The following MESD variants were observed in gnomAD, a reference collection of about 807,000 sequenced individuals.
The protein encoded by MESD is LRP chaperone MESD.
Under a neutral mutation model 12.9 loss-of-function variants are expected in MESD, and 7 were observed. That is an observed-to-expected ratio of 0.54 (90% CI 0.31 to 1.02). MESD has a LOEUF of 1.02. Among genes scored for constraint, MESD ranks in the 50% least tolerant of loss-of-function variants. MESD has a pLI of 0.05. For synonymous variants in MESD, 126 were observed against 115.6 expected (o/e 1.09, Z -0.58); for missense variants, 342 against 296.7 (o/e 1.15, Z -1.12).
chr15:80,980,705 G>A (rs900470698), intron 2 of MESD, among the ~76,000 whole-genome samples: 1 of 152,112 alleles, frequency 6.6e-6, no homozygotes, highest in African/African-American at 2.4e-5. Flanking sequence ...GGAGGTTGAG[G>A]TGCAAGGATC....
chr15:80,948,976 GGCA>G, intron 4 of MESD: 1 of 1,612,230 alleles, frequency 6.2e-7, no homozygotes, highest in Non-Finnish European at 8.5e-7. Flanking sequence ...GGTGACTCTT[GGCA>G]GCAGACCAGT....
downstream of MESD, among the ~76,000 whole-genome samples, chr15:80,972,796 G>A (rs1285071863): frequency 2.0e-5 from 3 of 152,200 alleles, no homozygotes; most frequent in Admixed American, 1.3e-4. Context: ...GCCGAGGTGG[G>A]TTGATCACGA....
In MESD at chr15:80,989,781, G is replaced by A. The variant is rs61999333; in HGVS notation, c.11C>T (p.Ser4Phe). MAA[S>F]RWARKAVVLL... ...GACCACGGCCTTGCGCGCCCACCTG[G>A]AAGCCGCCATTTTCGCTGCGCCGCG... is the stretch of plus-strand genomic sequence containing the variant. Residue 4 changes from serine (S) to phenylalanine (F), a missense_variant, in exon 1 of 3, where the codon TCC becomes TTC. Coordinates refer to ENST00000261758, the MANE Select transcript of MESD (RefSeq NM_015154.3). 1,717 of 1,583,922 alleles carry A rather than the reference G, an allele frequency of 1.1e-3. 10 individuals carry two copies. In the African/African-American group the frequency reaches 0.017, roughly 16 times the overall value.
At position 80,989,417 on chromosome 15, in the gene MESD, G is replaced by A. The variant is rs140880676; in HGVS notation, c.213+162C>T. On this transcript the variant is annotated intron_variant, in intron 1 of 2. Transcript: ENST00000261758. ...CAGCAGGGCGCGCGGGTCAGAGGAG[G>A]AATGGAGGGTCAACAGTGGCTTCAG... Among the ~76,000 whole-genome samples the A allele has an allele frequency of 2.6e-3, 394 of 152,310 alleles. 3 individuals carry two copies. The highest frequency in any genetic ancestry group is 8.9e-3 in the African/African-American group (371 of 41,564).
downstream of MESD, among the ~76,000 whole-genome samples, chr15:80,971,619 A>G (rs1902289907): frequency 6.6e-6 from 1 of 152,190 alleles, no homozygotes; most frequent in Admixed American, 6.5e-5. Flanking sequence ...TAGGAGCAAT[A>G]AAGTCTTAAA....
intron 1 of MESD, among the ~76,000 whole-genome samples, chr15:80,987,972 T>C (rs557706369): frequency 4.2e-4 from 64 of 152,262 alleles, no homozygotes; most frequent in Middle Eastern, 3.4e-3. Context: ...AAAAATAATT[T>C]AAAAAACAAA....
chr15:80,975,094 A>G (rs1248867649), downstream of MESD, among the ~76,000 whole-genome samples: 1 of 151,972 alleles, frequency 6.6e-6, no homozygotes, highest in African/African-American at 2.4e-5. Flanking sequence ...AGAAGAGCTG[A>G]AAGGTAGAGC....
rs1436019626 is a variant in MESD at position 80,975,998 on chromosome 15, A to AT, written c.*3220dup. 1 of 152,140 alleles carries AT rather than the reference A, an allele frequency of 6.6e-6. No individual in the cohort carries two copies. The highest frequency in any genetic ancestry group is 1.5e-5 in the Non-Finnish European group (1 of 68,030). The allele number at this position is 152,140 out of a possible 1,614,324, so 9.4% of individuals were successfully genotyped here. A position where few individuals can be genotyped will look rare whatever the true frequency, so the allele number is the denominator to read the frequency against. On this transcript the variant is annotated 3_prime_UTR_variant, in exon 3 of 3. Coordinates refer to ENST00000261758, the MANE Select transcript of MESD (RefSeq NM_015154.3). ...AAACAAATGACATTTCTCTTAAAAA[A>AT]TTTTTGTTTCGTTTTTTTGAGACAG... is the stretch of plus-strand genomic sequence containing the variant.
chr15:80,979,407 A>G lies in MESD; in HGVS notation c.517T>C (p.Phe173Leu). 6.2e-7 allele frequency: 1 copy of G among 1,614,204 alleles called. No individual in the cohort carries two copies. Among genetic ancestry groups the G allele is most frequent in the African/African-American group, 1.3e-5 (1 of 75,058 alleles). The change falls in exon 3 of 3, where the codon TTT (phenylalanine) becomes CTT (leucine). Residue 173 changes from phenylalanine (F) to leucine (L), a missense_variant. By Grantham distance (22) the Phe-to-Leu change is conservative (BLOSUM62 0). Transcript: ENST00000261758. ...DGSYAWEIKDFLVGQDRCADV... is the reference protein window; with the variant it reads ...DGSYAWEIKDLLVGQDRCADV... ...GCACACCTGTCTTGACCGACCAAAA[A>G]GTCCTTGATCTCCCAGGCGTAGCTC...
At chr15:80,971,970 C>T (rs1902298067), downstream of MESD, among the ~76,000 whole-genome samples, 1 of 150,920 alleles carries the variant, frequency 6.6e-6, no homozygotes, top group Non-Finnish European at 1.5e-5. Flanking sequence ...AAAAAGAAAT[C>T]GACACCAAAG....
rs1224460871 is a variant in MESD, at chr15:80,987,010, T to C, written c.213+2569A>G. Among the ~76,000 whole-genome samples the C allele has an allele frequency of 6.6e-5, 10 of 152,252 alleles. 1 individual carries two copies. ...AAATGATTTACTTAATTTACTCACATGCTAGAAGTGCAAACCACATTTCTG... is the reference window on the plus strand; with the variant it reads ...AAATGATTTACTTAATTTACTCACACGCTAGAAGTGCAAACCACATTTCTG... On this transcript the variant is annotated intron_variant, in intron 1 of 2. Coordinates refer to ENST00000261758, the MANE Select transcript of MESD (RefSeq NM_015154.3).
At chr15:80,961,527 G>A (rs1284730481) in intron 3 of MESD, among the ~76,000 whole-genome samples, 2 of 152,142 alleles carry the variant, frequency 1.3e-5, no homozygotes, top group Non-Finnish European at 2.9e-5. Context: ...ATAATTTGGT[G>A]CAAATTTTCT....
In MESD at chr15:80,989,717, C is replaced by T; in HGVS notation, c.75G>A (p.Leu25=). ...CCGCGCAGGACCCAGGCGGTGGTAG[C>T]AGTAGCAGCAGCAGCAGCAGGTCAG... is the stretch of plus-strand genomic sequence containing the variant. ...CASDLLLLLL[L]LPPPGSCAAE... Residue 25 remains leucine (L), a synonymous_variant, in exon 1 of 3, where the codon CTG becomes CTA. Coordinates refer to ENST00000261758, the MANE Select transcript of MESD (RefSeq NM_015154.3). 3 of 1,609,008 alleles carry T rather than the reference C, an allele frequency of 1.9e-6. No individual in the cohort carries two copies. Among genetic ancestry groups the T allele is most frequent in the Non-Finnish European group, 2.5e-6 (3 of 1,179,954 alleles).
At chr15:80,948,705 G>C in exon 5 of MESD, 3 of 1,559,040 alleles carry the variant, frequency 1.9e-6, no homozygotes, top group South Asian at 2.2e-5. Flanking sequence ...CCTGGTGGGC[G>C]TGGGGGGCTG....
chr15:80,966,373 A>T (rs1902175364), intron 3 of MESD, among the ~76,000 whole-genome samples: 1 of 152,244 alleles, frequency 6.6e-6, no homozygotes, highest in Admixed American at 6.5e-5. Flanking sequence ...GCCTCATTTG[A>T]TGAACTATTA....
chr15:80,955,055 G>A (rs1353256620), intron 3 of MESD, among the ~76,000 whole-genome samples: 1 of 151,998 alleles, frequency 6.6e-6, no homozygotes, highest in Non-Finnish European at 1.5e-5. Context: ...CCAGCACTTT[G>A]GGAGGCTGAG....
chr15:80,971,741 C>G (rs1902292915), downstream of MESD, among the ~76,000 whole-genome samples: 1 of 152,082 alleles, frequency 6.6e-6, no homozygotes, highest in Non-Finnish European at 1.5e-5. Context: ...ATCCTCCCGC[C>G]TCAACCTCCT....
chr15:80,979,443 G>A lies in MESD; in HGVS notation c.481C>T (p.Leu161Phe). The change falls in exon 3 of 3, where the codon CTT becomes TTT. Residue 161 changes from leucine to phenylalanine, a missense_variant. Transcript: ENST00000261758. Reference protein sequence around the residue: ...IVGSDRAIFMLRDGSYAWEIK... With the variant: ...IVGSDRAIFMFRDGSYAWEIK... ...TCCCAGGCGTAGCTCCCATCGCGAA[G>A]CATGAAGATAGCACGGTCTGATCCC... The A allele has an allele frequency of 6.2e-7, 1 of 1,614,214 alleles. No individual in the cohort carries two copies. The highest frequency in any genetic ancestry group is 8.5e-7 in the Non-Finnish European group (1 of 1,180,048).
At chr15:80,973,495 T>C (rs1327321844), downstream of MESD, among the ~76,000 whole-genome samples, 1 of 151,906 alleles carries the variant, frequency 6.6e-6, no homozygotes, top group Non-Finnish European at 1.5e-5. Flanking sequence ...GCCATGATTG[T>C]GCCACTGCAC....
Sources: allele counts gnomAD v4.1 joint callset (sites outside exome capture counted in the v4.1 genomes callset), GRCh38; gene constraint gnomAD v4.1.1; transcripts MANE v1.5; gene names NCBI Gene and HGNC (gene_info 2026-07-23, HGNC 2026-07-21).